The following IGF2R variants were observed in gnomAD, a reference collection of about 807,000 sequenced individuals.
IGF2R encodes the protein cation-independent mannose-6-phosphate receptor.
IGF2R carries 91 observed loss-of-function variants against 270.6 expected under a neutral mutation model. The ratio of observed to expected loss-of-function variants is 0.34; its 90% CI spans 0.28 to 0.40. The LOEUF (loss-of-function observed/expected upper bound fraction) is 0.40, where lower values mean the gene tolerates loss of function less well. Among genes scored for constraint, IGF2R ranks in the 10% least tolerant of loss-of-function variants. The pLI, the probability that IGF2R is intolerant of heterozygous loss-of-function variation, is 1.00. For synonymous variants in IGF2R, 1,316 were observed against 1,258.9 expected (o/e 1.05, Z -0.96); for missense variants, 2,805 against 3,188.3 (o/e 0.88, Z 2.90).
intron 45 of IGF2R, among the ~76,000 whole-genome samples, chr6:160,099,977 G>A (rs138138340): frequency 3.9e-5 from 6 of 152,300 alleles, no homozygotes; most frequent in African/African-American, 1.4e-4. Flanking sequence ...ATGCATGCCA[G>A]TATTTTAAGA....
At chr6:159,991,155 A>G in intron 1 of IGF2R, 29 bp from the exon 2 acceptor site, 2 of 1,584,862 alleles carry the variant, frequency 1.3e-6, no homozygotes, top group South Asian at 1.1e-5. Context: ...AATCAGTGAC[A>G]TTGACAAGTT....
At position 160,009,062 on chromosome 6, in the gene IGF2R, A is replaced by G; in HGVS notation, c.342A>G (p.Thr114=). 6.2e-7 allele frequency: 1 copy of G among 1,613,930 alleles called. No homozygotes were observed. The highest frequency in any genetic ancestry group is 1.1e-5 in the South Asian group (1 of 91,080). ...GATCTCTCCTGGAATTCAACACAAC[A>G]GTGAGCTGTGACCAGCAAGGCACAA... The part of the protein sequence containing the change: ...ATRSLLEFNT[T]VSCDQQGTNH... Residue 114 remains threonine, a synonymous_variant, in exon 3 of 48, where the codon ACA becomes ACG. Coordinates refer to ENST00000356956, the MANE Select transcript of IGF2R (RefSeq NM_000876.4).
intron 31 of IGF2R, among the ~76,000 whole-genome samples, chr6:160,071,076 G>T: frequency 6.6e-6 from 1 of 150,740 alleles, no homozygotes; most frequent in South Asian, 2.1e-4. Flanking sequence ...AGGGGTGTGT[G>T]GGGTTCCCCA....
intron 6 of IGF2R, among the ~76,000 whole-genome samples, chr6:160,028,097 A>T (rs774948383): frequency 3.3e-5 from 5 of 152,226 alleles, no homozygotes; most frequent in African/African-American, 4.8e-5. Context: ...AAAATACGAT[A>T]GGCTGGGTAG....
intron 22 of IGF2R, among the ~76,000 whole-genome samples, chr6:160,059,740 G>A (rs1469463960): frequency 6.6e-6 from 1 of 152,150 alleles, no homozygotes; most frequent in African/African-American, 2.4e-5. Context: ...TGCTCTTCCC[G>A]CTTGGCCCGC....
chr6:159,970,940 C>T (rs1783599703), intron 1 of IGF2R, among the ~76,000 whole-genome samples: 2 of 152,082 alleles, frequency 1.3e-5, no homozygotes, highest in African/African-American at 2.4e-5. Flanking sequence ...TAGAGCCGGG[C>T]GCGGTGGCAC....
In IGF2R at chr6:160,024,565, C is replaced by T. The variant is rs1305249759; in HGVS notation, c.514-7C>T. On this transcript the variant is annotated splice_polypyrimidine_tract_variant and splice_region_variant and intron_variant, in intron 4 of 47. Transcript: ENST00000356956. ...TGAAGACTCACTTTTTTCTTCCTCC[C>T]TTCCAGGTGCCATGCTATGTGTTTG... The T allele has an allele frequency of 1.9e-6, 3 of 1,613,134 alleles. No homozygotes were observed. The highest frequency in any genetic ancestry group is 1.7e-5 in the Admixed American group (1 of 59,798).
chr6:160,082,616 T>C (rs1288878459), intron 39 of IGF2R, among the ~76,000 whole-genome samples: 1 of 123,476 alleles, frequency 8.1e-6, no homozygotes, highest in South Asian at 2.6e-4. Context: ...AGCTATCTTA[T>C]TTTTTTTCGT....
chr6:160,011,532 G>A (rs1784334656), intron 4 of IGF2R, among the ~76,000 whole-genome samples: 2 of 145,944 alleles, frequency 1.4e-5, no homozygotes, highest in Admixed American at 1.4e-4. Context: ...AATTACATAT[G>A]TGTTACCTCA....
At chr6:160,094,303 G>A (rs1396898266) in intron 44 of IGF2R, 1 of 259,500 alleles carries the variant, frequency 3.9e-6, no homozygotes, top group South Asian at 4.5e-5. Flanking sequence ...GAGAAAGTAA[G>A]ATAGGGAATC....
At position 160,061,591 on chromosome 6, in the gene IGF2R, G is replaced by T. The variant is rs1778439703; in HGVS notation, c.3351G>T (p.Lys1117Asn). The change falls in exon 24 of 48, where the codon AAG becomes AAT. Residue 1117 changes from lysine (K) to asparagine (N), a missense_variant. Around this residue, in one of 2 missense-constraint regions of IGF2R, gnomAD observed 1,851 missense variants for 2,207.2 expected, o/e 0.84. Coordinates refer to ENST00000356956, the MANE Select transcript of IGF2R (RefSeq NM_000876.4). ...TAVDTSVDGR[K>N]RTFYLSVCNP... ...TTGACACCTCTGTCGATGGGAGAAA[G>T]AGGACTTTCTATTTGAGCGTTTGCA... 1.2e-6 allele frequency: 2 copies of T among 1,614,064 alleles called. No individual in the cohort carries two copies.
intron 41 of IGF2R, 140 bp downstream of exon 41, chr6:160,085,271 A>G: frequency 1.1e-6 from 1 of 881,780 alleles, no homozygotes; most frequent in Admixed American, 2.6e-5. Flanking sequence ...ACTGTCTCAC[A>G]GGCATTTTGG....
rs1778411391 is a variant in IGF2R at position 160,060,463 on chromosome 6, C to A, written c.3092-84C>A. ...TGTGAAGCTTGTTGCCAGTGGCAGC[C>A]TTGTCCTGTTGCTGCACTGTGCTTG... On this transcript the variant is annotated intron_variant, in intron 22 of 47. Coordinates refer to ENST00000356956, the MANE Select transcript of IGF2R (RefSeq NM_000876.4). The A allele has an allele frequency of 5.1e-6, 7 of 1,370,514 alleles. No individual in the cohort carries two copies. The African/African-American group carries it at 8.6e-5, about 17-fold the overall frequency. 84.9% of individuals were successfully genotyped at this position (1,370,514 alleles called of 1,614,324 possible).
intron 44 of IGF2R, 179 bp from the exon 45 acceptor site, chr6:160,096,260 C>A: frequency 1.8e-6 from 1 of 560,578 alleles, no homozygotes; most frequent in South Asian, 2.6e-5. Context: ...GGGCAGGGCT[C>A]TATCCATGTG....
intron 10 of IGF2R, among the ~76,000 whole-genome samples, chr6:160,037,316 C>A (rs997678103): frequency 6.6e-6 from 1 of 152,210 alleles, no homozygotes; most frequent in East Asian, 1.9e-4. Context: ...AAAATACTTA[C>A]ATTTCCTTCC....
intron 4 of IGF2R, among the ~76,000 whole-genome samples, chr6:160,017,210 T>C (rs1477936184): frequency 1.3e-5 from 2 of 152,264 alleles, no homozygotes; most frequent in East Asian, 3.9e-4. Flanking sequence ...AAATTTATTA[T>C]AGGAATTATA....
At chr6:160,061,302 C>T (rs532896401) in intron 23 of IGF2R, among the ~76,000 whole-genome samples, 3 of 152,338 alleles carry the variant, frequency 2.0e-5, no homozygotes, top group African/African-American at 7.2e-5. Context: ...TGCCACCAGG[C>T]CCGGCTGTGA....
intron 20 of IGF2R, among the ~76,000 whole-genome samples, chr6:160,057,272 A>G (rs1409892658): frequency 1.3e-5 from 2 of 152,238 alleles, no homozygotes; most frequent in Admixed American, 1.3e-4. Flanking sequence ...CCTGCAGGGC[A>G]TAGTAGTAAG....
At chr6:160,027,424 A>T in intron 6 of IGF2R, 110 bp downstream of exon 6, 1 of 1,228,084 alleles carries the variant, frequency 8.1e-7, no homozygotes, top group South Asian at 1.6e-5. Context: ...TAGTCCCTGC[A>T]GCATTGCTGC....
Sources: gnomAD v4.1 joint callset for allele counts (sites outside exome capture counted in the v4.1 genomes callset) on GRCh38, gnomAD v4.1.1 for gene constraint, gnomAD v4.1.1 regional missense constraint, MANE v1.5 for transcripts, NCBI Gene and HGNC (gene_info 2026-07-23, HGNC 2026-07-21) for gene names.